Variants in GATA3 observed in about 807,000 individuals in gnomAD.
The protein encoded by GATA3 is GATA binding protein 3, also known as trans-acting T-cell-specific transcription factor GATA-3.
GATA3 carries 6 observed loss-of-function variants against 36.0 expected under a neutral mutation model. The observed-to-expected ratio is 0.17, with a 90% CI of 0.09 to 0.33. GATA3 has a LOEUF of 0.33. GATA3 is among the 10% of genes least tolerant of loss of function. GATA3 has a pLI of 1.00. For missense variants in GATA3, 514 were observed against 610.1 expected (o/e 0.84, Z 1.66); for synonymous variants, 326 against 273.0 (o/e 1.19, Z -1.92).
intron 4 of GATA3, among the ~76,000 whole-genome samples, chr10:8,065,213 A>C (rs1261638509): frequency 1.3e-5 from 2 of 151,686 alleles, no homozygotes; most frequent in African/African-American, 4.9e-5. Context: ...AGTGCAACTC[A>C]ACACCTTTCA....
intron 5 of GATA3, among the ~76,000 whole-genome samples, chr10:8,073,468 T>C (rs1832963025): frequency 6.6e-6 from 1 of 152,158 alleles, no homozygotes; most frequent in Non-Finnish European, 1.5e-5. Flanking sequence ...AAGGAAGTTC[T>C]AAAGAAATAA....
At chr10:8,053,802 G>GA (rs766409454), upstream of GATA3, 19 of 152,372 alleles carry the variant, frequency 1.2e-4, no homozygotes, top group Non-Finnish European at 2.8e-4. The surrounding 1 kb of genome is among the most constrained non-coding windows in gnomAD (Gnocchi z 5.1). Flanking sequence ...CGGGCGGGGC[G>GA]AAAGGAAAAG....
At chr10:8,067,796 C>T (rs563466238) in intron 4 of GATA3, among the ~76,000 whole-genome samples, 4 of 152,154 alleles carry the variant, frequency 2.6e-5, no homozygotes, top group South Asian at 2.1e-4. Context: ...CCAGCCTGGG[C>T]GACAGAGCGA....
chr10:8,068,302 T>G (rs182081119), intron 4 of GATA3, among the ~76,000 whole-genome samples: 5 of 152,330 alleles, frequency 3.3e-5, no homozygotes, highest in African/African-American at 1.2e-4. Flanking sequence ...GCTGATTTCA[T>G]GAAGGTGGAC....
rs777356873 is a variant in GATA3 at position 8,058,703 on chromosome 10, T to G, written c.640T>G (p.Ser214Ala). 1.9e-6 allele frequency: 3 copies of G among 1,612,918 alleles called. No individual in the cohort carries two copies. In the South Asian group the frequency reaches 3.3e-5, roughly 18 times the overall value. ...SMTALGGASS[S>A]THHPITTYPP... is the part of the protein sequence containing the mutation. ...GACCGCCCTGGGTGGAGCCTCCTCG[T>G]CGACCCACCACCCCATCACCACCTA... is the stretch of plus-strand genomic sequence containing the variant. Residue 214 changes from serine to alanine, a missense_variant, in exon 3 of 6, where the codon TCG becomes GCG. Ser to Ala is a moderately conservative substitution (Grantham distance 99). Transcript: ENST00000379328.
At chr10:8,046,827 A>G (rs1305069216) in intron 1 of GATA3, among the ~76,000 whole-genome samples, 1 of 152,022 alleles carries the variant, frequency 6.6e-6, no homozygotes, top group Non-Finnish European at 1.5e-5. Flanking sequence ...GGGTCTGATT[A>G]TGGAGTCTTT....
Position 8,075,084 on chromosome 10 carries a change from C to T in GATA3, c.*1061C>T, listed in dbSNP as rs374600550. 3.0e-5 allele frequency: 7 copies of T among 233,204 alleles called. No homozygotes were observed. The highest frequency in any genetic ancestry group is 1.3e-3 in the Middle Eastern group (1 of 786). The allele number at this position is 233,204 out of a possible 1,614,324, so 14.4% of individuals were successfully genotyped here. A position where few individuals can be genotyped will look rare whatever the true frequency, so the allele number is the denominator to read the frequency against. ...GGCCCGACAGGCCACGTCCTGCAAT[C>T]GGCCCGGCTGCCTCTTCGCCCTGTC... is the stretch of plus-strand genomic sequence containing the variant. On this transcript the variant is annotated 3_prime_UTR_variant, in exon 6 of 6. Coordinates refer to ENST00000379328, the MANE Select transcript of GATA3 (RefSeq NM_001002295.2).
rs925036611 is a variant in GATA3 at position 8,075,170 on chromosome 10, A to C, written c.*1147A>C. 1 of 230,306 alleles carries C rather than the reference A, an allele frequency of 4.3e-6. No individual in the cohort carries two copies. The highest frequency in any genetic ancestry group is 8.6e-6 in the Non-Finnish European group (1 of 116,312). The allele number at this position is 230,306 out of a possible 1,614,324, so 14.3% of individuals were successfully genotyped here. On this transcript the variant is annotated 3_prime_UTR_variant, in exon 6 of 6. Coordinates refer to ENST00000379328, the MANE Select transcript of GATA3 (RefSeq NM_001002295.2). ...TCTGTTGGAATAATATTATAAGCAT[A>C]ATAATAAAGTGAAAATATTTTAAAA...
chr10:8,048,425 G>A (rs1000122908), intron 1 of GATA3, among the ~76,000 whole-genome samples: 1 of 152,232 alleles, frequency 6.6e-6, no homozygotes, highest in African/African-American at 2.4e-5. Flanking sequence ...CCGGAGTCCT[G>A]GGTGCTATAG....
chr10:8,063,562 T>C (rs1368258821), intron 3 of GATA3, among the ~76,000 whole-genome samples: 1 of 152,350 alleles, frequency 6.6e-6, no homozygotes. Flanking sequence ...AGACCCATGA[T>C]GATAATGGGT....
intron 4 of GATA3, among the ~76,000 whole-genome samples, chr10:8,064,428 C>T (rs550569467): frequency 6.7e-6 from 1 of 149,340 alleles, no homozygotes; most frequent in South Asian, 2.1e-4. Flanking sequence ...TCTTGGTTAT[C>T]AAATCTGCAG....
chr10:8,073,167 AAAAG>A (rs1832958493), intron 5 of GATA3, among the ~76,000 whole-genome samples: 1 of 151,728 alleles, frequency 6.6e-6, no homozygotes, highest in Non-Finnish European at 1.5e-5. Context: ...AAAAAAAAAA[AAAAG>A]ATCACCTTTA....
chr10:8,066,595 C>A (rs1041783865), intron 4 of GATA3, among the ~76,000 whole-genome samples: 2 of 152,086 alleles, frequency 1.3e-5, no homozygotes, highest in East Asian at 3.8e-4. Context: ...TGAAGACCAC[C>A]CAGCCCATAT....
intron 3 of GATA3, among the ~76,000 whole-genome samples, chr10:8,061,089 C>CTCTCTCTCTCTCTCTCTCTCTCTT (rs754738004): frequency 9.5e-4 from 138 of 145,796 alleles, no homozygotes; most frequent in South Asian, 1.8e-3. Flanking sequence ...CTCTCTCTCT[C>CTCTCTCTCTCTCTCTCTCTCTCTT]TTTTTTACCC....
At chr10:8,063,303 C>T (rs951181378) in intron 3 of GATA3, among the ~76,000 whole-genome samples, 2 of 152,168 alleles carry the variant, frequency 1.3e-5, no homozygotes, top group Admixed American at 6.5e-5. Context: ...TGGGGTCATA[C>T]TTTAACTTCA....
chr10:8,072,307 A>G (rs1832943005), intron 5 of GATA3, among the ~76,000 whole-genome samples: 1 of 152,314 alleles, frequency 6.6e-6, no homozygotes, highest in East Asian at 1.9e-4. Flanking sequence ...CCCAGAGCCA[A>G]GGGTTCTCCA....
intron 1 of GATA3, among the ~76,000 whole-genome samples, chr10:8,046,082 C>G (rs532012351): frequency 2.0e-5 from 3 of 152,122 alleles, no homozygotes; most frequent in Non-Finnish European, 4.4e-5. Context: ...CTTCCAGGAG[C>G]ACCCTGAGGT....
chr10:8,058,187 G>C (rs550677240), intron 2 of GATA3, 118 bp from the exon 3 acceptor site: 2 of 1,141,444 alleles, frequency 1.8e-6, no homozygotes, highest in East Asian at 2.4e-5. Context: ...GCCTGAGCCC[G>C]GGCTTTTGCT....
At chr10:8,046,797 TGGGTGTC>T (rs1832394248) in intron 1 of GATA3, among the ~76,000 whole-genome samples, 1 of 151,882 alleles carries the variant, frequency 6.6e-6, no homozygotes, top group South Asian at 2.1e-4. Context: ...AAGACCCCAT[TGGGTGTC>T]GGGTCGCATA....
Sources: gnomAD v4.1 joint callset for allele counts (sites outside exome capture counted in the v4.1 genomes callset) on GRCh38, gnomAD v4.1.1 for gene constraint, Gnocchi (gnomAD v3.1) non-coding constraint, MANE v1.5 for transcripts, NCBI Gene and HGNC (gene_info 2026-07-23, HGNC 2026-07-21) for gene names.